The following FKBP15 variants were observed in gnomAD, a reference collection of about 807,000 sequenced individuals.
FKBP15 encodes FK506-binding protein 15.
FKBP15 carries 106 observed loss-of-function variants against 158.1 expected under a neutral mutation model. The observed-to-expected ratio is 0.67, with a 90% CI of 0.57 to 0.79. The LOEUF (loss-of-function observed/expected upper bound fraction) is 0.79, where lower values mean the gene tolerates loss of function less well. Among genes scored for constraint, FKBP15 ranks in the 30% least tolerant of loss-of-function variants. The pLI is 0.00. For synonymous variants in FKBP15, 547 were observed against 548.6 expected (o/e 1.00, Z 0.04); for missense variants, 1,287 against 1,479.1 (o/e 0.87, Z 2.13).
rs1311084051 is a variant in FKBP15, at chr9:113,161,949, T to C, written c.*4129A>G. The C allele has an allele frequency of 1.7e-5, 10 of 597,682 alleles. No homozygotes were observed. Among genetic ancestry groups the C allele is most frequent in the Non-Finnish European group, 2.7e-5 (9 of 331,022 alleles). 37.0% of individuals were successfully genotyped at this position (597,682 alleles called of 1,614,324 possible). A position where few individuals can be genotyped will look rare whatever the true frequency, so the allele number is the denominator to read the frequency against. ...GGCTTTCTTTAGGGAACAGTGATCTTCAGGTGCAGGCCCCTATCTAGCAAA... is the reference window on the plus strand; with the variant it reads ...GGCTTTCTTTAGGGAACAGTGATCTCCAGGTGCAGGCCCCTATCTAGCAAA... On this transcript the variant is annotated 3_prime_UTR_variant, in exon 28 of 28. Coordinates refer to ENST00000238256, the MANE Select transcript of FKBP15 (RefSeq NM_015258.2).
At chr9:113,181,438 T>TGCCCCTCCTAAAAATGC (rs1830394033) in intron 19 of FKBP15, among the ~76,000 whole-genome samples, 1 of 152,064 alleles carries the variant, frequency 6.6e-6, no homozygotes. Flanking sequence ...CTTAAAAATG[T>TGCCCCTCCTAAAAATGC]TGCCCCTCCA....
Position 113,163,690 on chromosome 9 carries a change from C to G in FKBP15, c.*2388G>C, listed in dbSNP as rs1338093676. The G allele has an allele frequency of 6.6e-6, 1 of 152,126 alleles. No homozygotes were observed. The highest frequency in any genetic ancestry group is 2.4e-5 in the African/African-American group (1 of 41,274). 9.4% of individuals were successfully genotyped at this position (152,126 alleles called of 1,614,324 possible). On this transcript the variant is annotated 3_prime_UTR_variant, in exon 28 of 28. Transcript: ENST00000238256. ...TCTCTGATAGACTGAGCTCCTTCCACCAGAAGGCACTGCCTGCAGGAAGAA... is the reference window on the plus strand; with the variant it reads ...TCTCTGATAGACTGAGCTCCTTCCAGCAGAAGGCACTGCCTGCAGGAAGAA...
intron 1 of FKBP15, among the ~76,000 whole-genome samples, chr9:113,216,252 C>T (rs1409803076): frequency 2.6e-5 from 4 of 152,012 alleles, no homozygotes; most frequent in Non-Finnish European, 4.4e-5. Flanking sequence ...GTGAAGTAAA[C>T]ATTGAAACTT....
chr9:113,166,102 GTCA>G lies in FKBP15; in HGVS notation c.3633_3635del (p.Asp1214del), dbSNP rs745624274. 2.4e-5 allele frequency: 39 copies of G among 1,613,220 alleles called. No homozygotes were observed. Among genetic ancestry groups the G allele is most frequent in the Middle Eastern group, 1.6e-4 (1 of 6,082 alleles). The stretch of plus-strand genomic sequence containing the variant: ...TTCATCCCAGCCAGTCAATGTCATC[GTCA>G]TCATCATCATCTCCAAAAAGGGGCG... On this transcript the variant is annotated inframe_deletion, in exon 28 of 28. Transcript: ENST00000238256.
In FKBP15 at chr9:113,163,367, T is replaced by A. The variant is rs1830048055; in HGVS notation, c.*2711A>T. The A allele has an allele frequency of 6.5e-6, 1 of 153,502 alleles. No homozygotes were observed. Among genetic ancestry groups the A allele is most frequent in the South Asian group, 2.1e-4 (1 of 4,850 alleles). 9.5% of individuals were successfully genotyped at this position (153,502 alleles called of 1,614,324 possible). A position where few individuals can be genotyped will look rare whatever the true frequency, so the allele number is the denominator to read the frequency against. ...GCCCATTGGACTTCCTGACCTCTTC[T>A]GTCTTTGAGGGACAGAGACCAAGCT... On this transcript the variant is annotated 3_prime_UTR_variant, in exon 28 of 28. Coordinates refer to ENST00000238256, the MANE Select transcript of FKBP15 (RefSeq NM_015258.2).
In FKBP15 at chr9:113,198,235, G is replaced by C. The variant is rs1211401054; in HGVS notation, c.717+620C>G. Among the ~76,000 whole-genome samples, 2 of 152,094 alleles carry C rather than the reference G, an allele frequency of 1.3e-5. No homozygotes were observed. The highest frequency in any genetic ancestry group is 4.8e-5 in the African/African-American group (2 of 41,408). On this transcript the variant is annotated intron_variant, in intron 8 of 27. Coordinates refer to ENST00000238256, the MANE Select transcript of FKBP15 (RefSeq NM_015258.2). The surrounding 1 kb of genome is among the most constrained non-coding windows in gnomAD (Gnocchi z 5.2). ...GATTCAACCCTTTATGATAAGTTTC[G>C]AGAAGAAACTGTCTCACTTTTTCCC...
At chr9:113,193,911 A>T in intron 10 of FKBP15, 116 bp downstream of exon 10, 1 of 1,265,486 alleles carries the variant, frequency 7.9e-7, no homozygotes, top group South Asian at 1.9e-5. Flanking sequence ...CCCTGATCCC[A>T]TTTTTTCCAG....
chr9:113,174,228 T>G (rs1292679882), intron 22 of FKBP15, among the ~76,000 whole-genome samples, 200 bp downstream of exon 22: 3 of 152,212 alleles, frequency 2.0e-5, no homozygotes, highest in African/African-American at 7.2e-5. Context: ...TTAACTAAGC[T>G]TTAAAAAAAG....
At position 113,193,484 on chromosome 9, in the gene FKBP15, A is replaced by G. The variant is rs1242091470; in HGVS notation, c.1065+8T>C. 1 of 1,586,536 alleles carries G rather than the reference A, an allele frequency of 6.3e-7. No individual in the cohort carries two copies. Among genetic ancestry groups the G allele is most frequent in the South Asian group, 1.2e-5 (1 of 86,946 alleles). ...ACCACCATGCCTGGCCAAGACTCTT[A>G]TACTTACTGTATTTATTGCAAGTTG... On this transcript the variant is annotated splice_region_variant and intron_variant, in intron 11 of 27. Coordinates refer to ENST00000238256, the MANE Select transcript of FKBP15 (RefSeq NM_015258.2).
At chr9:113,203,802 C>T (rs1009130725) in intron 4 of FKBP15, among the ~76,000 whole-genome samples, 1 of 152,122 alleles carries the variant, frequency 6.6e-6, no homozygotes, top group Non-Finnish European at 1.5e-5. Context: ...GCTGAGATTA[C>T]AGGTGTGAGC....
At chr9:113,186,161 A>C in intron 15 of FKBP15, 88 bp downstream of exon 15, 1 of 840,322 alleles carries the variant, frequency 1.2e-6, no homozygotes, top group African/African-American at 1.7e-5. Context: ...ATGAGTAGAG[A>C]GCTGTTGGTG....
At position 113,186,290 on chromosome 9, in the gene FKBP15, G is replaced by A; in HGVS notation, c.1457C>T (p.Pro486Leu). 1 of 1,570,354 alleles carries A rather than the reference G, an allele frequency of 6.4e-7. No homozygotes were observed. The highest frequency in any genetic ancestry group is 8.6e-7 in the Non-Finnish European group (1 of 1,157,032). Reference protein sequence around the residue: ...AVTSQLQPVRPLYPAPLSQPP... With the variant: ...AVTSQLQPVRLLYPAPLSQPP... ...CTGAGAGAGCGGTGCTGGGTACAAA[G>A]GCCGAACGGGCTGCAGCTGGGAGGT... Residue 486 changes from proline (P) to leucine (L), a missense_variant, in exon 15 of 28, where the codon CCT becomes CTT. By Grantham distance (98) the Pro-to-Leu change is moderately conservative (BLOSUM62 -3). Transcript: ENST00000238256.
chr9:113,201,524 T>C (rs1830793427), intron 6 of FKBP15, among the ~76,000 whole-genome samples: 1 of 152,012 alleles, frequency 6.6e-6, no homozygotes, highest in Non-Finnish European at 1.5e-5. Flanking sequence ...CTTTGGGAAG[T>C]AAGTAAGCCA....
At chr9:113,168,426 T>C (rs1390530812) in intron 27 of FKBP15, 34 bp downstream of exon 27, 1 of 1,567,526 alleles carries the variant, frequency 6.4e-7, no homozygotes, top group East Asian at 2.2e-5. Flanking sequence ...CAGGTGGGTG[T>C]GTGAGGACTT....
intron 21 of FKBP15, among the ~76,000 whole-genome samples, chr9:113,175,521 T>C (rs1587952979): frequency 6.6e-6 from 1 of 152,336 alleles, no homozygotes; most frequent in East Asian, 1.9e-4. Context: ...ATTTAAACGA[T>C]TCCAGAACAG....
chr9:113,201,459 C>T (rs534813314), intron 6 of FKBP15, among the ~76,000 whole-genome samples: 9 of 152,164 alleles, frequency 5.9e-5, no homozygotes, highest in Non-Finnish European at 1.0e-4. Flanking sequence ...GTGTCCCCTC[C>T]GAATACTTAC....
chr9:113,188,879 C>A (rs1051747480), intron 12 of FKBP15, among the ~76,000 whole-genome samples: 1 of 152,170 alleles, frequency 6.6e-6, no homozygotes. Context: ...AAGAAATAAT[C>A]CAGCCTCTTC....
At chr9:113,205,028 C>T (rs919013884) in intron 4 of FKBP15, among the ~76,000 whole-genome samples, 1 of 152,066 alleles carries the variant, frequency 6.6e-6, no homozygotes, top group Admixed American at 6.6e-5. Context: ...TAATTTTTTA[C>T]CGTAGGCCCA....
rs766180049 is a variant in FKBP15, at chr9:113,221,177, T to A, written c.53+14A>T. On this transcript the variant is annotated intron_variant, in intron 1 of 27. Transcript: ENST00000238256. Reference sequence around the variant, plus strand: ...TCAGCCACGCCCTCCAGCGCATACTTCTCAGTCACTCACCCGCCGCTCGGC... The same window carrying A: ...TCAGCCACGCCCTCCAGCGCATACTACTCAGTCACTCACCCGCCGCTCGGC... 8.1e-6 allele frequency: 13 copies of A among 1,603,324 alleles called. No individual in the cohort carries two copies. In the South Asian group the frequency reaches 1.5e-4, roughly 18 times the overall value.
Sources: gnomAD v4.1 joint callset for allele counts (sites outside exome capture counted in the v4.1 genomes callset) on GRCh38, gnomAD v4.1.1 for gene constraint, Gnocchi (gnomAD v3.1) non-coding constraint, MANE v1.5 for transcripts, NCBI Gene and HGNC (gene_info 2026-07-23, HGNC 2026-07-21) for gene names.